SLFN12L: variants seen among roughly 807,000 people sequenced by gnomAD.
SLFN12L encodes schlafen family member 12-like.
In SLFN12L, 34 loss-of-function variants were observed where a neutral mutation model predicts 34.8. That is an observed-to-expected ratio of 0.98 (90% CI 0.74 to 1.30). SLFN12L has a LOEUF of 1.30. Among genes scored for constraint, SLFN12L ranks in the 50% most tolerant of loss-of-function variants. The probability of loss-of-function intolerance (pLI) is 0.00; values close to 1 mark genes in which losing one functional copy is unlikely to be tolerated. For synonymous variants in SLFN12L, 259 were observed against 247.5 expected, an observed-to-expected ratio of 1.05 and a Z score of -0.44; for missense variants, 703 against 696.2, an observed-to-expected ratio of 1.01 and a Z score of -0.11.
intron 4 of SLFN12L, among the ~76,000 whole-genome samples, chr17:35,475,966 C>T (rs779757884): frequency 2.5e-4 from 37 of 149,210 alleles, no homozygotes; most frequent in Non-Finnish European, 4.7e-4. Flanking sequence ...TATCATAAAA[C>T]TATAATTTAA....
chr17:35,522,161 A>G, intron 2 of SLFN12L, 118 bp downstream of exon 2: 1 of 1,404,088 alleles, frequency 7.1e-7, no homozygotes, highest in Non-Finnish European at 9.6e-7. Flanking sequence ...GCTCTCCTAA[A>G]CACAGTTTGT....
At chr17:35,511,568 T>C (rs763549100) in intron 2 of SLFN12L, among the ~76,000 whole-genome samples, 2 of 115,694 alleles carry the variant, frequency 1.7e-5, no homozygotes, top group Non-Finnish European at 3.5e-5. Context: ...AGACCTCGTC[T>C]CTACACACAC....
At chr17:35,534,185 A>G (rs2142181345) in intron 1 of SLFN12L, among the ~76,000 whole-genome samples, 1 of 151,892 alleles carries the variant, frequency 6.6e-6, no homozygotes, top group East Asian at 1.9e-4. Context: ...ACACGGTGAA[A>G]CCCCATCTCT....
intron 1 of SLFN12L, among the ~76,000 whole-genome samples, chr17:35,529,087 T>C (rs1217953921): frequency 2.0e-5 from 3 of 151,876 alleles, no homozygotes; most frequent in African/African-American, 7.3e-5. Flanking sequence ...AACAAACATA[T>C]GAAAAAAAGC....
At chr17:35,523,859 C>T (rs915590307) in intron 1 of SLFN12L, among the ~76,000 whole-genome samples, 2 of 152,060 alleles carry the variant, frequency 1.3e-5, no homozygotes, top group Non-Finnish European at 2.9e-5. Context: ...TGCTTGAGCC[C>T]AGGAGGCGGA....
intron 2 of SLFN12L, among the ~76,000 whole-genome samples, chr17:35,504,781 G>C (rs1305131101): frequency 1.3e-5 from 2 of 152,226 alleles, no homozygotes; most frequent in Non-Finnish European, 2.9e-5. Context: ...CTTCTTTGGA[G>C]ACCTGAAGGG....
chr17:35,472,199 G>A lies in SLFN12L; in HGVS notation c.*2724C>T, dbSNP rs750637003. ...TAGAGTTTTTATGGTTTTGAGTTTT[G>A]CATTTAAGTCTTTAATCTATCTTGA... On this transcript the variant is annotated 3_prime_UTR_variant, in exon 5 of 5. Coordinates refer to ENST00000628453, the MANE Select transcript of SLFN12L (RefSeq NM_001363830.2). Among the ~76,000 whole-genome samples, 4 of 151,904 alleles carry A rather than the reference G, an allele frequency of 2.6e-5. No homozygotes were observed. Among genetic ancestry groups the A allele is most frequent in the African/African-American group, 9.7e-5 (4 of 41,346 alleles).
chr17:35,478,935 G>C (rs1914158131), intron 3 of SLFN12L, among the ~76,000 whole-genome samples, 182 bp downstream of exon 3: 1 of 152,208 alleles, frequency 6.6e-6, no homozygotes, highest in Admixed American at 6.5e-5. Flanking sequence ...TTTAGTTATT[G>C]TATGGAATAT....
chr17:35,501,138 T>G (rs1915282343), intron 2 of SLFN12L, among the ~76,000 whole-genome samples: 1 of 152,260 alleles, frequency 6.6e-6, no homozygotes, highest in African/African-American at 2.4e-5. Context: ...CTTAGGCAGC[T>G]TAGGCCTGCT....
At chr17:35,530,911 C>G (rs8065894) in intron 1 of SLFN12L, among the ~76,000 whole-genome samples, 116,432 of 152,136 alleles carry the variant, frequency 0.77, 45,790 homozygotes, top group Non-Finnish European at 0.86. Flanking sequence ...TAAACACAGT[C>G]CTGTCAGAGA....
intron 2 of SLFN12L, chr17:35,487,962 A>C: frequency 2.9e-6 from 2 of 685,656 alleles, no homozygotes; most frequent in Non-Finnish European, 5.3e-6. Flanking sequence ...TAATCCCAGC[A>C]CTTTGGGAGG....
At position 35,530,401 on chromosome 17, in the gene SLFN12L, GGAAGGAAGGA is replaced by G. The variant is rs1173579588; in HGVS notation, c.-606+7162_-606+7171del. On this transcript the variant is annotated intron_variant, in intron 1 of 4. Coordinates refer to ENST00000628453, the MANE Select transcript of SLFN12L (RefSeq NM_001363830.2). The stretch of plus-strand genomic sequence containing the variant: ...AGGAAGGAAGGAAGGAAGGAAGGAA[GGAAGGAAGGA>G]AGGAAGGAAGGAAGGAAGGGAAGGG... Among the ~76,000 whole-genome samples the G allele has an allele frequency of 3.9e-3, 40 of 10,318 alleles. 3 individuals are homozygous for G. Among genetic ancestry groups the G allele is most frequent in the East Asian group, 0.083 (1 of 12 alleles). The allele number at this position is 10,318 out of a possible 152,430, so 6.8% of individuals were successfully genotyped here. A position where few individuals can be genotyped will look rare whatever the true frequency, so the allele number is the denominator to read the frequency against.
intron 2 of SLFN12L, among the ~76,000 whole-genome samples, chr17:35,483,587 C>T (rs908731050): frequency 1.3e-5 from 2 of 152,164 alleles, no homozygotes; most frequent in Admixed American, 1.3e-4. Context: ...TTATAAGTCA[C>T]CCAATTTATG....
intron 2 of SLFN12L, among the ~76,000 whole-genome samples, chr17:35,513,935 A>C (rs997144110): frequency 6.6e-6 from 1 of 152,220 alleles, no homozygotes; most frequent in East Asian, 1.9e-4. Context: ...AGCACGCGAA[A>C]TTCAGAATAT....
rs145011525 is a variant in SLFN12L at position 35,530,527 on chromosome 17, GAAAAGAAAAGAAAA to G, written c.-606+7032_-606+7045del. Among the ~76,000 whole-genome samples the G allele has an allele frequency of 4.6e-3, 174 of 37,540 alleles. 18 individuals are homozygous for G. Among genetic ancestry groups the G allele is most frequent in the Non-Finnish European group, 8.7e-3 (116 of 13,314 alleles). 24.6% of individuals were successfully genotyped at this position (37,540 alleles called of 152,430 possible). On this transcript the variant is annotated intron_variant, in intron 1 of 4. Transcript: ENST00000628453. ...AAGAAAGAAAGAAAAGAAAAGAAAA[GAAAAGAAAAGAAAA>G]GAAAGAAAGAAAGAAAGAGAAAGGG...
intron 2 of SLFN12L, among the ~76,000 whole-genome samples, chr17:35,505,923 A>G (rs1915452624): frequency 6.6e-6 from 1 of 152,218 alleles, no homozygotes; most frequent in African/African-American, 2.4e-5. Flanking sequence ...CCCAGTGTAT[A>G]TATCAAGTCA....
At chr17:35,515,567 C>T (rs1416885766) in intron 2 of SLFN12L, among the ~76,000 whole-genome samples, 2 of 151,682 alleles carry the variant, frequency 1.3e-5, no homozygotes, top group Non-Finnish European at 2.9e-5. Context: ...CTCCCAGACT[C>T]AAGCCATCCT....
intron 2 of SLFN12L, chr17:35,498,705 G>T (rs987813086): frequency 7.8e-5 from 122 of 1,558,128 alleles, no homozygotes; most frequent in South Asian, 4.8e-5. Flanking sequence ...TAACAATTAC[G>T]TGGTCCATCT....
intron 2 of SLFN12L, among the ~76,000 whole-genome samples, chr17:35,482,394 G>C (rs1209703124): frequency 2.0e-5 from 3 of 152,212 alleles, no homozygotes. Context: ...GGGGCAGCTA[G>C]GGCTGCACAC....
Sources: gnomAD v4.1 joint callset for allele counts (sites outside exome capture counted in the v4.1 genomes callset) on GRCh38, gnomAD v4.1.1 for gene constraint, MANE v1.5 for transcripts, NCBI Gene and HGNC (gene_info 2026-07-23, HGNC 2026-07-21) for gene names.